DDX60: variants seen among roughly 807,000 people sequenced by gnomAD.
DDX60 encodes the protein DExD/H-box helicase 60, also known as probable ATP-dependent RNA helicase DDX60.
DDX60 carries 165 observed loss-of-function variants against 212.8 expected under a neutral mutation model. That is an observed-to-expected ratio of 0.78 (90% CI 0.68 to 0.88). The LOEUF is 0.88. DDX60 is among the 40% of genes least tolerant of loss of function. The pLI is 0.00. For missense variants in DDX60, 1,905 were observed against 2,003.9 expected (o/e 0.95, Z 0.94); for synonymous variants, 703 against 685.3 (o/e 1.03, Z -0.40).
chr4:168,294,239 C>A (rs663261), intron 6 of DDX60, among the ~76,000 whole-genome samples: 3 of 151,930 alleles, frequency 2.0e-5, no homozygotes, highest in Non-Finnish European at 2.9e-5. Flanking sequence ...TAGATCCTCA[C>A]ACCATATGCA....
At chr4:168,220,778 T>A (rs1560807205) in intron 36 of DDX60, 61 bp from the exon 37 acceptor site, 1 of 906,332 alleles carries the variant, frequency 1.1e-6, no homozygotes, top group Non-Finnish European at 1.6e-6. Flanking sequence ...TCCTATTTTA[T>A]ATTTAAATGC....
intron 33 of DDX60, among the ~76,000 whole-genome samples, chr4:168,226,578 A>C (rs1458016892): frequency 2.0e-5 from 3 of 152,094 alleles, no homozygotes; most frequent in South Asian, 2.1e-4. Context: ...ATTATATGAG[A>C]TATTTCGATG....
At chr4:168,247,601 G>A (rs1039006526) in intron 29 of DDX60, among the ~76,000 whole-genome samples, 15 of 152,208 alleles carry the variant, frequency 9.9e-5, no homozygotes, top group Admixed American at 7.9e-4. Context: ...GATAAACCAC[G>A]TTGTCTGCAG....
chr4:168,300,680 G>C (rs1191665662), intron 6 of DDX60, among the ~76,000 whole-genome samples: 1 of 151,962 alleles, frequency 6.6e-6, no homozygotes, highest in Non-Finnish European at 1.5e-5. Context: ...CAGGAAATAG[G>C]TGGGAGGGAC....
In DDX60 at chr4:168,278,337, A is replaced by G. The variant is rs554427568; in HGVS notation, c.1978+1998T>C. ...TGGACACAGTGTTTGATAAGTGCTT[A>G]GTTAAGATAGAAGGTGGAAGACATG... On this transcript the variant is annotated intron_variant, in intron 14 of 37. Transcript: ENST00000393743. Among the ~76,000 whole-genome samples the G allele has an allele frequency of 8.5e-5, 13 of 152,328 alleles. No individual in the cohort carries two copies. In the East Asian group the frequency reaches 2.3e-3, roughly 27 times the overall value.
At chr4:168,218,382 A>G (rs932566331) in intron 37 of DDX60, among the ~76,000 whole-genome samples, 1 of 152,158 alleles carries the variant, frequency 6.6e-6, no homozygotes, top group Non-Finnish European at 1.5e-5. Context: ...GGTCATCTTT[A>G]CCAACTGCAT....
At chr4:168,294,137 T>C (rs1736237163) in intron 6 of DDX60, among the ~76,000 whole-genome samples, 192 bp from the exon 7 acceptor site, 1 of 151,892 alleles carries the variant, frequency 6.6e-6, no homozygotes, top group Non-Finnish European at 1.5e-5. Flanking sequence ...GTTAAAAAAA[T>C]GAAATAATAA....
chr4:168,278,650 G>A (rs559582709), intron 14 of DDX60, among the ~76,000 whole-genome samples: 2 of 152,274 alleles, frequency 1.3e-5, no homozygotes, highest in South Asian at 2.1e-4. Context: ...CCAACATGGT[G>A]AAATCCCATC....
At chr4:168,293,476 T>C (rs1440606882) in intron 7 of DDX60, among the ~76,000 whole-genome samples, 1 of 152,158 alleles carries the variant, frequency 6.6e-6, no homozygotes, top group Admixed American at 6.5e-5. Flanking sequence ...GCACAATGCA[T>C]ACAAAAAGCC....
upstream of DDX60, among the ~76,000 whole-genome samples, chr4:168,319,581 A>C (rs575693226): frequency 7.9e-5 from 12 of 152,356 alleles, no homozygotes; most frequent in African/African-American, 2.9e-4. Context: ...GGTCACATTT[A>C]TTTGTGCCTC....
In DDX60 at chr4:168,304,714, G is replaced by T. The variant is rs976653652; in HGVS notation, c.606+1665C>A. On this transcript the variant is annotated intron_variant, in intron 5 of 37. Transcript: ENST00000393743. ...AAGACACTGTCTCAAGAAAAATAAA[G>T]AAGGAAAATATTTTTGTACAGTTGT... 2.6e-5 allele frequency among the ~76,000 whole-genome samples: 4 copies of T among 151,974 alleles called. No individual in the cohort carries two copies. The East Asian group carries it at 7.7e-4, about 29-fold the overall frequency.
At chr4:168,301,721 T>G (rs1736654919) in intron 6 of DDX60, among the ~76,000 whole-genome samples, 1 of 152,050 alleles carries the variant, frequency 6.6e-6, no homozygotes, top group Non-Finnish European at 1.5e-5. Flanking sequence ...GACATTAAAG[T>G]GAATCAACTA....
At chr4:168,232,496 C>A (rs1733489477) in intron 33 of DDX60, among the ~76,000 whole-genome samples, 1 of 151,818 alleles carries the variant, frequency 6.6e-6, no homozygotes, top group South Asian at 2.1e-4. Flanking sequence ...ACCACAAGGT[C>A]CTGGCATAAA....
At chr4:168,237,263 T>C (rs371285949) in intron 32 of DDX60, 23 bp downstream of exon 32, 73 of 1,488,672 alleles carry the variant, frequency 4.9e-5, no homozygotes, top group Non-Finnish European at 2.0e-5. Context: ...TCTCTACATA[T>C]ATATATAAAA....
Position 168,262,224 on chromosome 4 carries a change from T to C in DDX60, c.3145-96A>G, listed in dbSNP as rs1201066671. 5 of 1,372,556 alleles carry C rather than the reference T, an allele frequency of 3.6e-6. No homozygotes were observed. In the African/African-American group the frequency reaches 5.9e-5, roughly 16 times the overall value. 85.0% of individuals were successfully genotyped at this position (1,372,556 alleles called of 1,614,324 possible). On this transcript the variant is annotated intron_variant, in intron 23 of 37. Transcript: ENST00000393743. ...CCTCATTAACAGCCTTACAAGTTTC[T>C]TGAGCACAGAGATGGTTAAACTTTT...
intron 19 of DDX60, 93 bp from the exon 20 acceptor site, chr4:168,269,062 T>C: frequency 1.6e-6 from 1 of 634,068 alleles, no homozygotes; most frequent in Non-Finnish European, 2.7e-6. Flanking sequence ...TTGTCATGCA[T>C]GCCTTCCCAT....
intron 19 of DDX60, among the ~76,000 whole-genome samples, chr4:168,269,565 G>C (rs1735003307): frequency 1.3e-5 from 2 of 151,924 alleles, no homozygotes; most frequent in Admixed American, 6.6e-5. Context: ...CGCGCCACTG[G>C]GTTCCAGCCT....
intron 27 of DDX60, among the ~76,000 whole-genome samples, chr4:168,252,227 A>C (rs1006066308): frequency 2.6e-5 from 4 of 152,164 alleles, no homozygotes; most frequent in Non-Finnish European, 4.4e-5. Flanking sequence ...AATAATCTAC[A>C]ATTGCTAAAT....
Position 168,250,676 on chromosome 4 carries a change from C to T in DDX60, c.3858+278G>A, listed in dbSNP as rs187620551. Among the ~76,000 whole-genome samples the T allele has an allele frequency of 0.016, 2,387 of 145,544 alleles. 63 individuals are homozygous for T. The highest frequency in any genetic ancestry group is 0.056 in the African/African-American group (2,187 of 39,254). On this transcript the variant is annotated intron_variant, in intron 28 of 37. Transcript: ENST00000393743. Reference sequence around the variant, plus strand: ...GAATAGCTGGGATTACAGGCACCTGCCACCACGCCCGGCTAATTTTTGTAT... The same window carrying T: ...GAATAGCTGGGATTACAGGCACCTGTCACCACGCCCGGCTAATTTTTGTAT...
Sources: gnomAD v4.1 joint callset for allele counts (sites outside exome capture counted in the v4.1 genomes callset) on GRCh38, gnomAD v4.1.1 for gene constraint, MANE v1.5 for transcripts, NCBI Gene and HGNC (gene_info 2026-07-23, HGNC 2026-07-21) for gene names.